The following CSMD1 variants were observed in gnomAD, a reference collection of about 807,000 sequenced individuals.
The protein encoded by CSMD1 is CUB and sushi domain-containing protein 1.
Under a neutral mutation model 417.5 loss-of-function variants are expected in CSMD1, and 213 were observed. That is an observed-to-expected ratio of 0.51 (90% CI 0.46 to 0.57). The LOEUF (loss-of-function observed/expected upper bound fraction) is 0.57. Among genes scored for constraint, CSMD1 ranks in the 20% least tolerant of loss-of-function variants. The pLI is 0.00. For missense variants in CSMD1, 6,923 were observed against 4,529.7 expected (o/e 1.53, Z -15.17); for synonymous variants, 2,862 against 1,736.8 (o/e 1.65, Z -16.11).
intron 10 of CSMD1, among the ~76,000 whole-genome samples, chr8:3,531,795 C>T (rs1797991813): frequency 1.3e-5 from 2 of 152,310 alleles, no homozygotes; most frequent in South Asian, 4.1e-4. Flanking sequence ...GATAAGCAAG[C>T]TAGAAGCTTA....
At chr8:4,968,807 C>G (rs1810049875) in intron 1 of CSMD1, among the ~76,000 whole-genome samples, 1 of 152,114 alleles carries the variant, frequency 6.6e-6, no homozygotes, top group Non-Finnish European at 1.5e-5. Flanking sequence ...CTGGCAGTTG[C>G]ATCTCTTCTG....
intron 1 of CSMD1, among the ~76,000 whole-genome samples, chr8:4,860,637 T>C (rs1047684027): frequency 1.3e-5 from 2 of 152,144 alleles, no homozygotes; most frequent in Non-Finnish European, 2.9e-5. Flanking sequence ...TATTTCTTTA[T>C]GGCAATGCTA....
chr8:3,635,673 C>T (rs918417594), intron 7 of CSMD1, among the ~76,000 whole-genome samples: 16 of 150,336 alleles, frequency 1.1e-4, no homozygotes, highest in African/African-American at 3.2e-4. Flanking sequence ...TTAGTAGAGA[C>T]GGGGATTCAC....
intron 3 of CSMD1, among the ~76,000 whole-genome samples, chr8:4,217,332 C>T (rs964909282): frequency 4.6e-5 from 7 of 152,152 alleles, no homozygotes; most frequent in African/African-American, 1.2e-4. Flanking sequence ...CCAGGTGCTG[C>T]CTTGGACTCT....
intron 3 of CSMD1, among the ~76,000 whole-genome samples, chr8:4,213,900 A>G (rs1174612964): frequency 2.0e-5 from 3 of 152,240 alleles, no homozygotes; most frequent in African/African-American, 4.8e-5. Flanking sequence ...ATACTAATGA[A>G]TGAATGGAGG....
chr8:2,991,794 G>A (rs773128803), intron 54 of CSMD1, among the ~76,000 whole-genome samples: 1 of 152,168 alleles, frequency 6.6e-6, no homozygotes, highest in African/African-American at 2.4e-5. Flanking sequence ...TCCCATCTGA[G>A]AACTGCAGTA....
At chr8:4,288,066 A>G (rs556450779) in intron 3 of CSMD1, among the ~76,000 whole-genome samples, 24 of 152,316 alleles carry the variant, frequency 1.6e-4, no homozygotes, top group African/African-American at 5.8e-4. Context: ...GAGGATATAA[A>G]ACTTCTTTAC....
intron 5 of CSMD1, among the ~76,000 whole-genome samples, chr8:3,873,136 C>A (rs1273105756): frequency 6.6e-6 from 1 of 151,952 alleles, no homozygotes; most frequent in Non-Finnish European, 1.5e-5. Context: ...ATTGAGGAAA[C>A]TAGTATGATG....
chr8:4,428,566 C>G (rs28719543), intron 2 of CSMD1, among the ~76,000 whole-genome samples: 26,824 of 152,050 alleles, frequency 0.18, 2,513 homozygotes, highest in South Asian at 0.29. Flanking sequence ...CTACAATAAA[C>G]TTGCAACTTA....
chr8:4,014,705 T>G (rs1437185957), intron 4 of CSMD1, among the ~76,000 whole-genome samples: 1 of 152,214 alleles, frequency 6.6e-6, no homozygotes, highest in African/African-American at 2.4e-5. Context: ...GGAGCTAGAA[T>G]GACAAAGTCC....
At chr8:4,757,439 G>C (rs1332257974) in intron 1 of CSMD1, among the ~76,000 whole-genome samples, 1 of 152,106 alleles carries the variant, frequency 6.6e-6, no homozygotes, top group Non-Finnish European at 1.5e-5. Flanking sequence ...TGATCCTGGA[G>C]AGCAGGAAGG....
intron 46 of CSMD1, among the ~76,000 whole-genome samples, chr8:3,104,065 G>A (rs892820006): frequency 6.6e-6 from 1 of 152,104 alleles, no homozygotes; most frequent in Non-Finnish European, 1.5e-5. Flanking sequence ...TTTTAGAGCA[G>A]CACATTTGAT....
At chr8:3,728,022 T>G (rs987684869) in intron 6 of CSMD1, among the ~76,000 whole-genome samples, 1 of 152,206 alleles carries the variant, frequency 6.6e-6, no homozygotes, top group Non-Finnish European at 1.5e-5. Flanking sequence ...ACAGTGTGAC[T>G]GTATTCAATG....
At chr8:4,727,315 G>C (rs893119612) in intron 1 of CSMD1, among the ~76,000 whole-genome samples, 4 of 152,142 alleles carry the variant, frequency 2.6e-5, no homozygotes, top group African/African-American at 9.7e-5. Flanking sequence ...TTAATTAAGT[G>C]TTTGAGAAAC....
intron 5 of CSMD1, among the ~76,000 whole-genome samples, chr8:3,873,258 G>A (rs1354135513): frequency 6.6e-6 from 1 of 152,110 alleles, no homozygotes; most frequent in Non-Finnish European, 1.5e-5. Flanking sequence ...GCAGGTGTAT[G>A]TTCACTGCAG....
chr8:3,022,235 A>G (rs1809489102), intron 51 of CSMD1, among the ~76,000 whole-genome samples: 1 of 150,690 alleles, frequency 6.6e-6, no homozygotes, highest in East Asian at 2.0e-4. Context: ...ATACACCCGC[A>G]ATCCCACAGC....
chr8:4,061,506 T>G (rs1303095910), intron 3 of CSMD1, among the ~76,000 whole-genome samples: 1 of 151,934 alleles, frequency 6.6e-6, no homozygotes, highest in Non-Finnish European at 1.5e-5. Flanking sequence ...AACTGTAAAG[T>G]AAGTAGGGAA....
At position 4,459,834 on chromosome 8, in the gene CSMD1, C is replaced by A. The variant is rs117509288; in HGVS notation, c.303-39769G>T. 4.2e-3 allele frequency among the ~76,000 whole-genome samples: 646 copies of A among 152,176 alleles called. 5 individuals carry two copies. The highest frequency in any genetic ancestry group is 0.01 in the Middle Eastern group (3 of 294). ...TTTGTGGTACTTTGTGTCACTGGGCCTAGATAACTAAAGCATGCCCCTACC... is the reference window on the plus strand; with the variant it reads ...TTTGTGGTACTTTGTGTCACTGGGCATAGATAACTAAAGCATGCCCCTACC... On this transcript the variant is annotated intron_variant, in intron 2 of 69. Coordinates refer to ENST00000635120, the MANE Select transcript of CSMD1 (RefSeq NM_033225.6).
chr8:4,317,502 G>GC (rs576310869), intron 3 of CSMD1, among the ~76,000 whole-genome samples: 183 of 152,286 alleles, frequency 1.2e-3, no homozygotes, highest in African/African-American at 3.9e-3. Flanking sequence ...CACTATGCCT[G>GC]CTAAGGTAAG....
Sources: allele counts gnomAD v4.1 joint callset (sites outside exome capture counted in the v4.1 genomes callset), GRCh38; gene constraint gnomAD v4.1.1; transcripts MANE v1.5; gene names NCBI Gene and HGNC (gene_info 2026-07-23, HGNC 2026-07-21).